The following PTPRN2 variants were observed in gnomAD, a reference collection of about 807,000 sequenced individuals.
PTPRN2 encodes protein tyrosine phosphatase receptor type N2.
PTPRN2 carries 74 observed loss-of-function variants against 118.8 expected under a neutral mutation model. The ratio of observed to expected loss-of-function variants is 0.62; its 90% CI spans 0.52 to 0.76. The LOEUF (loss-of-function observed/expected upper bound fraction) is 0.76, where lower values mean the gene tolerates loss of function less well. Ranked by LOEUF, PTPRN2 falls within the 30% of genes least tolerant of loss-of-function variation. The probability of loss-of-function intolerance (pLI) is 0.00; values close to 1 mark genes in which losing one functional copy is unlikely to be tolerated. For synonymous variants in PTPRN2, 641 were observed against 608.0 expected (o/e 1.05, Z -0.80); for missense variants, 1,481 against 1,394.4 (o/e 1.06, Z -0.99).
intron 2 of PTPRN2, among the ~76,000 whole-genome samples, chr7:158,439,452 G>A (rs982183834): frequency 1.3e-5 from 2 of 152,126 alleles, no homozygotes; most frequent in Non-Finnish European, 2.9e-5. Context: ...AAAATGAGAT[G>A]GAGACAGGGA....
chr7:158,526,936 C>T lies in PTPRN2; in HGVS notation c.113-37151G>A, dbSNP rs557677541. Among the ~76,000 whole-genome samples, 263 of 152,216 alleles carry T rather than the reference C, an allele frequency of 1.7e-3. No homozygotes were observed. The highest frequency in any genetic ancestry group is 3.2e-3 in the Non-Finnish European group (215 of 68,016). On this transcript the variant is annotated intron_variant, in intron 1 of 22. Coordinates refer to ENST00000389418, the MANE Select transcript of PTPRN2 (RefSeq NM_002847.5). The surrounding 1 kb of genome is among the most constrained non-coding windows in gnomAD (Gnocchi z 5.2). ...CTGAGCCAATTCATACAGTGGATTC[C>T]GCCACTTTCTTTCTAACACAATGAA... is the stretch of plus-strand genomic sequence containing the variant.
At chr7:157,797,106 C>T (rs1804918505) in intron 12 of PTPRN2, among the ~76,000 whole-genome samples, 1 of 152,218 alleles carries the variant, frequency 6.6e-6, no homozygotes, top group Non-Finnish European at 1.5e-5. Context: ...GAAATCCCAG[C>T]CCTCAACACG....
At chr7:157,877,505 T>A (rs897419277) in intron 12 of PTPRN2, among the ~76,000 whole-genome samples, 3 of 150,374 alleles carry the variant, frequency 2.0e-5, no homozygotes, top group African/African-American at 7.4e-5. Context: ...GGGCCCCGGG[T>A]CCAAGTGCCA....
intron 12 of PTPRN2, among the ~76,000 whole-genome samples, chr7:157,758,231 C>T (rs1801920090): frequency 6.6e-6 from 1 of 152,368 alleles, no homozygotes; most frequent in South Asian, 2.1e-4. Context: ...CCGACCACAT[C>T]CAAATATGGA....
intron 3 of PTPRN2, among the ~76,000 whole-genome samples, chr7:158,220,149 CA>C (rs1402013327): frequency 6.6e-6 from 1 of 151,760 alleles, no homozygotes; most frequent in African/African-American, 2.4e-5. Flanking sequence ...CATCAAAGGA[CA>C]AAGATAAAAG....
At chr7:158,318,721 C>G (rs925052399) in intron 2 of PTPRN2, among the ~76,000 whole-genome samples, 2 of 152,256 alleles carry the variant, frequency 1.3e-5, no homozygotes, top group African/African-American at 4.8e-5. Flanking sequence ...TGCAGCTCCC[C>G]GGCCTCTTGC....
chr7:158,151,901 C>T (rs757014717), intron 6 of PTPRN2, among the ~76,000 whole-genome samples: 5 of 152,064 alleles, frequency 3.3e-5, no homozygotes, highest in Non-Finnish European at 5.9e-5. Flanking sequence ...CGGCCGGGCG[C>T]GGTGGCTCAC....
intron 1 of PTPRN2, among the ~76,000 whole-genome samples, chr7:158,507,935 G>A (rs1195681723): frequency 2.6e-5 from 4 of 151,588 alleles, no homozygotes; most frequent in African/African-American, 9.7e-5. Flanking sequence ...CCTGCGCTGG[G>A]CAGGAAATCA....
chr7:158,185,878 T>C (rs1825090432), intron 5 of PTPRN2, among the ~76,000 whole-genome samples: 1 of 152,144 alleles, frequency 6.6e-6, no homozygotes, highest in Non-Finnish European at 1.5e-5. Flanking sequence ...TCCCCGTCGG[T>C]CCCACCCTGG....
chr7:158,410,666 C>A (rs952803441), intron 2 of PTPRN2, among the ~76,000 whole-genome samples: 8 of 152,230 alleles, frequency 5.3e-5, no homozygotes, highest in Admixed American at 2.6e-4. Flanking sequence ...CCAGCCAGAG[C>A]CTCGGAATGT....
At chr7:157,979,800 C>T (rs1008013661) in intron 11 of PTPRN2, among the ~76,000 whole-genome samples, 1 of 152,166 alleles carries the variant, frequency 6.6e-6, no homozygotes, top group African/African-American at 2.4e-5. Context: ...GAATACAGTG[C>T]GTGATGCACA....
rs545896805 is a variant in PTPRN2, at chr7:158,262,459, TCA to T, written c.277+54358_277+54359del. On this transcript the variant is annotated intron_variant, in intron 3 of 22. Transcript: ENST00000389418. ...ATTCACACACACTGCACACGCAGAT[TCA>T]CACACTGCAAACATTCACGCTGCAC... is the stretch of plus-strand genomic sequence containing the variant. Among the ~76,000 whole-genome samples, 396 of 117,866 alleles carry T rather than the reference TCA, an allele frequency of 3.4e-3. 3 individuals are homozygous for T. The highest frequency in any genetic ancestry group is 8.3e-3 in the Middle Eastern group (1 of 120). The allele number at this position is 117,866 out of a possible 152,430, so 77.3% of individuals were successfully genotyped here.
chr7:158,319,432 A>T (rs1802649903), intron 2 of PTPRN2, among the ~76,000 whole-genome samples: 1 of 126,510 alleles, frequency 7.9e-6, no homozygotes, highest in Non-Finnish European at 1.7e-5. Context: ...ACACACACAC[A>T]CACAGCCTCC....
At chr7:158,044,001 G>A (rs1265134645) in intron 11 of PTPRN2, among the ~76,000 whole-genome samples, 4 of 152,344 alleles carry the variant, frequency 2.6e-5, no homozygotes, top group East Asian at 1.9e-4. Context: ...AAGGCCACAC[G>A]CCGAGGCTGT....
intron 2 of PTPRN2, among the ~76,000 whole-genome samples, chr7:158,408,499 C>T (rs890413737): frequency 2.0e-5 from 3 of 152,158 alleles, no homozygotes; most frequent in Admixed American, 6.5e-5. Flanking sequence ...GAGAACTGCA[C>T]GTGGTGGACT....
intron 11 of PTPRN2, among the ~76,000 whole-genome samples, chr7:158,080,372 T>G (rs938230825): frequency 6.6e-5 from 9 of 137,198 alleles, no homozygotes; most frequent in African/African-American, 2.5e-4. Flanking sequence ...TATAAAGGAC[T>G]GGCTAAAACC....
chr7:157,965,216 G>C (rs1479182952), intron 11 of PTPRN2, among the ~76,000 whole-genome samples: 1 of 152,164 alleles, frequency 6.6e-6, no homozygotes, highest in Non-Finnish European at 1.5e-5. Flanking sequence ...TATGTATGAA[G>C]ATTACCATAT....
At chr7:158,130,325 G>A (rs552660555) in intron 9 of PTPRN2, among the ~76,000 whole-genome samples, 30 of 152,104 alleles carry the variant, frequency 2.0e-4, no homozygotes, top group Admixed American at 3.9e-4. Context: ...CCGAACAGAC[G>A]CACATCATAC....
chr7:158,191,521 T>C (rs1159666070), intron 5 of PTPRN2, among the ~76,000 whole-genome samples: 1 of 152,088 alleles, frequency 6.6e-6, no homozygotes, highest in African/African-American at 2.4e-5. Flanking sequence ...TTTCTGCAGC[T>C]CTTGTCCCTC....
Sources: allele counts gnomAD v4.1 joint callset (sites outside exome capture counted in the v4.1 genomes callset), GRCh38; gene constraint gnomAD v4.1.1; non-coding constraint Gnocchi (gnomAD v3.1); transcripts MANE v1.5; gene names NCBI Gene and HGNC (gene_info 2026-07-23, HGNC 2026-07-21).